Variants in KCNQ2 observed in about 807,000 individuals in gnomAD.
KCNQ2 encodes potassium voltage-gated channel subfamily KQT member 2.
In KCNQ2, 14 loss-of-function variants were observed where a neutral mutation model predicts 84.8. That is an observed-to-expected ratio of 0.17 (90% CI 0.11 to 0.26). KCNQ2 has a LOEUF of 0.26. KCNQ2 is among the 10% of genes least tolerant of loss of function. The pLI is 1.00. For missense variants in KCNQ2, 788 were observed against 1,254.0 expected, an observed-to-expected ratio of 0.63 and a Z score of 5.61; for synonymous variants, 599 against 554.1, an observed-to-expected ratio of 1.08 and a Z score of -1.14.
intron 1 of KCNQ2, among the ~76,000 whole-genome samples, chr20:63,448,812 C>T: frequency 6.6e-6 from 1 of 152,222 alleles, no homozygotes. Context: ...GGCCGGGGCA[C>T]TGGCCACAGG....
chr20:63,403,880 G>A lies in KCNQ2; in HGVS notation c.*2764C>T, dbSNP rs2040254688. On this transcript the variant is annotated 3_prime_UTR_variant, in exon 17 of 17. Transcript: ENST00000359125. ...CTCATTCACGCAGACACCCGAGGCAGCGCCGCACCACCTCCAGCCTCCTTC... is the reference window on the plus strand; with the variant it reads ...CTCATTCACGCAGACACCCGAGGCAACGCCGCACCACCTCCAGCCTCCTTC... 1 of 152,276 alleles carries A rather than the reference G, an allele frequency of 6.6e-6. No individual in the cohort carries two copies. The highest frequency in any genetic ancestry group is 2.4e-5 in the African/African-American group (1 of 41,456). The allele number at this position is 152,276 out of a possible 1,614,324, so 9.4% of individuals were successfully genotyped here. A position where few individuals can be genotyped will look rare whatever the true frequency, so the allele number is the denominator to read the frequency against.
At chr20:63,430,340 A>G (rs2080755681) in intron 9 of KCNQ2, among the ~76,000 whole-genome samples, 1 of 152,056 alleles carries the variant, frequency 6.6e-6, no homozygotes, top group Admixed American at 6.5e-5. Context: ...GAGATGTCTT[A>G]TGGCTGAGCA....
rs2080080594 is a variant in KCNQ2 at position 63,410,214 on chromosome 20, G to A, written c.1764-1678C>T. On this transcript the variant is annotated intron_variant, in intron 15 of 16. Coordinates refer to ENST00000359125, the MANE Select transcript of KCNQ2 (RefSeq NM_172107.4). The stretch of plus-strand genomic sequence containing the variant: ...GTGTTCGGGGCATCCACACAGTCCA[G>A]GCAGATGCTCAGCACCTTCGCCCCT... Among the ~76,000 whole-genome samples the A allele has an allele frequency of 2.6e-5, 4 of 152,278 alleles. No homozygotes were observed. The South Asian group carries it at 8.3e-4, about 32-fold the overall frequency.
In KCNQ2 at chr20:63,400,627, C is replaced by T. The variant is rs997403535; in HGVS notation, c.*6017G>A. 2.5e-6 allele frequency: 1 copy of T among 398,562 alleles called. No individual in the cohort carries two copies. Among genetic ancestry groups the T allele is most frequent in the African/African-American group, 2.1e-5 (1 of 48,642 alleles). 24.7% of individuals were successfully genotyped at this position (398,562 alleles called of 1,614,324 possible). On this transcript the variant is annotated 3_prime_UTR_variant, in exon 17 of 17. Coordinates refer to ENST00000359125, the MANE Select transcript of KCNQ2 (RefSeq NM_172107.4). This position sits in a 1 kb window ranked among gnomAD's most constrained non-coding sequence, Gnocchi z 8.7. ...GAGCATGAACAAAAGTGCAGACAGC[C>T]AGAGGCAACGGCGCAAATGGGGAAG...
intron 5 of KCNQ2, among the ~76,000 whole-genome samples, chr20:63,441,486 C>T (rs904829406): frequency 2.0e-5 from 3 of 152,150 alleles, no homozygotes; most frequent in Non-Finnish European, 2.9e-5. Flanking sequence ...AAAATATACA[C>T]AAGCATTACT....
At chr20:63,429,944 C>T (rs2080744308) in intron 9 of KCNQ2, among the ~76,000 whole-genome samples, 1 of 152,344 alleles carries the variant, frequency 6.6e-6, no homozygotes, top group Admixed American at 6.5e-5. Context: ...GAGGACAGTC[C>T]GCTGTCCAAG....
rs961712229 is a variant in KCNQ2 at position 63,472,224 on chromosome 20, G to A, written c.240C>T (p.Phe80=). The stretch of plus-strand genomic sequence containing the variant: ...GCGGCCGCTCCAGCACGTTGTAGAG[G>A]AAATTCTGCAGCTTGCGGTAGAAGG... ...RNAFYRKLQN[F]LYNVLERPRG... Residue 80 remains phenylalanine (F), a synonymous_variant, in exon 1 of 17, where the codon TTC becomes TTT. Transcript: ENST00000359125. The A allele has an allele frequency of 2.0e-5, 31 of 1,548,378 alleles. No homozygotes were observed. Among genetic ancestry groups the A allele is most frequent in the Non-Finnish European group, 2.4e-5 (28 of 1,148,232 alleles).
rs1295952896 is a variant in KCNQ2 at position 63,460,237 on chromosome 20, C to T, written c.296+11931G>A. Reference sequence around the variant, plus strand: ...GTCCCTCCCTGGCCTTACCCAAGCCCTTAGCAGCTTTGGGGAGCAAAGGCT... The same window carrying T: ...GTCCCTCCCTGGCCTTACCCAAGCCTTTAGCAGCTTTGGGGAGCAAAGGCT... On this transcript the variant is annotated intron_variant, in intron 1 of 16. Coordinates refer to ENST00000359125, the MANE Select transcript of KCNQ2 (RefSeq NM_172107.4). This position sits in a 1 kb window ranked among gnomAD's most constrained non-coding sequence, Gnocchi z 5.4. 6.6e-6 allele frequency among the ~76,000 whole-genome samples: 1 copy of T among 152,204 alleles called. No individual in the cohort carries two copies. The highest frequency in any genetic ancestry group is 2.4e-5 in the African/African-American group (1 of 41,458).
At chr20:63,461,791 A>G (rs868521660) in intron 1 of KCNQ2, among the ~76,000 whole-genome samples, 190 of 96,498 alleles carry the variant, frequency 2.0e-3, no homozygotes, top group Admixed American at 2.4e-3. Flanking sequence ...GGAGCAGGGA[A>G]GAGGCTGCAC....
At chr20:63,442,578 A>G (rs997816094) in intron 4 of KCNQ2, 47 bp from the exon 5 acceptor site, 11 of 1,601,352 alleles carry the variant, frequency 6.9e-6, no homozygotes, top group Non-Finnish European at 9.4e-6. Context: ...CACCAGAAGC[A>G]TCACCATCAC....
intron 1 of KCNQ2, among the ~76,000 whole-genome samples, chr20:63,455,671 G>A (rs921947461): frequency 3.3e-5 from 5 of 152,056 alleles, no homozygotes; most frequent in Admixed American, 1.3e-4. Flanking sequence ...CACAGTCCTG[G>A]GGCCCCCACC....
At chr20:63,436,455 A>G (rs1293932685) in intron 7 of KCNQ2, among the ~76,000 whole-genome samples, 2 of 151,392 alleles carry the variant, frequency 1.3e-5, no homozygotes, top group Admixed American at 6.6e-5. Context: ...GGCAGGAACC[A>G]GGGAGGTGGA....
Position 63,438,763 on chromosome 20 carries a change from C to T in KCNQ2, c.928-43G>A, listed in dbSNP as rs2081075646. The T allele has an allele frequency of 4.5e-6, 7 of 1,559,500 alleles. No homozygotes were observed. Among genetic ancestry groups the T allele is most frequent in the South Asian group, 1.1e-5 (1 of 89,922 alleles). On this transcript the variant is annotated intron_variant, in intron 6 of 16. Coordinates refer to ENST00000359125, the MANE Select transcript of KCNQ2 (RefSeq NM_172107.4). This position sits in a 1 kb window ranked among gnomAD's most constrained non-coding sequence, Gnocchi z 5.1. ...CAGGTCACACCCCAGGGACCCCCCA[C>T]ACCCCAATTCATCAGGGTCAGACCA...
intron 1 of KCNQ2, chr20:63,466,580 G>C (rs2082088821): frequency 6.6e-6 from 1 of 152,234 alleles, no homozygotes; most frequent in Non-Finnish European, 1.5e-5. Context: ...ACAGCTACGA[G>C]CTTGGGGAAC....
At chr20:63,439,105 T>C (rs2081085772) in intron 6 of KCNQ2, among the ~76,000 whole-genome samples, 1 of 152,100 alleles carries the variant, frequency 6.6e-6, no homozygotes, top group Non-Finnish European at 1.5e-5. Flanking sequence ...TGCAGGCCCA[T>C]CTTGAAGGGC....
At chr20:63,443,156 G>T (rs140315651) in intron 4 of KCNQ2, among the ~76,000 whole-genome samples, 65,927 of 67,642 alleles carry the variant, frequency 0.97, 32,115 homozygotes, top group East Asian at 0.99. Context: ...ACCATCACCG[G>T]CGCCACCACC....
intron 1 of KCNQ2, among the ~76,000 whole-genome samples, chr20:63,451,677 G>A (rs766593425): frequency 2.1e-4 from 32 of 152,090 alleles, no homozygotes; most frequent in African/African-American, 6.5e-4. Context: ...CTCGATTCAC[G>A]ACGGACACCC....
At chr20:63,424,270 C>T (rs1305989783) in intron 10 of KCNQ2, 64 bp from the exon 11 acceptor site, 2 of 1,530,798 alleles carry the variant, frequency 1.3e-6, no homozygotes, top group Admixed American at 2.0e-5. Flanking sequence ...GTCCCCCAAC[C>T]AGTCCAGCCC....
At chr20:63,456,386 C>T (rs369128035) in intron 1 of KCNQ2, among the ~76,000 whole-genome samples, 2 of 152,306 alleles carry the variant, frequency 1.3e-5, no homozygotes, top group East Asian at 1.9e-4. Context: ...CCTCGCTCTG[C>T]GACTCTGGAT....
Sources: gnomAD v4.1 joint callset for allele counts (sites outside exome capture counted in the v4.1 genomes callset) on GRCh38, gnomAD v4.1.1 for gene constraint, Gnocchi (gnomAD v3.1) non-coding constraint, MANE v1.5 for transcripts, NCBI Gene and HGNC (gene_info 2026-07-23, HGNC 2026-07-21) for gene names.